The following NFIA variants were observed in gnomAD, a reference collection of about 807,000 sequenced individuals.
NFIA encodes the protein nuclear factor 1 A-type.
A neutral mutation model predicts 62.8 loss-of-function variants in NFIA; 8 were observed. That is an observed-to-expected ratio of 0.13 (90% CI 0.07 to 0.23). The LOEUF is 0.23. Among genes scored for constraint, NFIA ranks in the 10% least tolerant of loss-of-function variants. The pLI, the probability that NFIA is intolerant of heterozygous loss-of-function variation, is 1.00. For missense variants in NFIA, 410 were observed against 642.1 expected (o/e 0.64, Z 3.91); for synonymous variants, 235 against 238.1 (o/e 0.99, Z 0.12).
At chr1:61,343,168 T>C (rs1662019248) in intron 4 of NFIA, among the ~76,000 whole-genome samples, 2 of 152,220 alleles carry the variant, frequency 1.3e-5, no homozygotes, top group South Asian at 4.1e-4. Context: ...CCTTTTCCTC[T>C]ACAGGGTATA....
chr1:61,442,549 A>G (rs1055729252), intron 10 of NFIA, among the ~76,000 whole-genome samples: 10 of 151,416 alleles, frequency 6.6e-5, no homozygotes, highest in Admixed American at 6.6e-4. Flanking sequence ...CCCATTCACC[A>G]TTTTGTCAGA....
intron 2 of NFIA, among the ~76,000 whole-genome samples, chr1:61,237,141 G>C (rs1382186726): frequency 1.3e-5 from 2 of 152,130 alleles, no homozygotes; most frequent in Non-Finnish European, 2.9e-5. Flanking sequence ...ATGAATAAAT[G>C]ATCAAAGCAT....
intron 2 of NFIA, among the ~76,000 whole-genome samples, chr1:61,175,150 A>G (rs1216337622): frequency 7.3e-6 from 1 of 137,910 alleles, no homozygotes; most frequent in East Asian, 2.2e-4. Flanking sequence ...TATTATTATT[A>G]TTATTTTTTG....
chr1:61,141,626 C>T (rs1238984570), intron 2 of NFIA, among the ~76,000 whole-genome samples: 1 of 152,156 alleles, frequency 6.6e-6, no homozygotes, highest in Non-Finnish European at 1.5e-5. Context: ...ATTTTATATC[C>T]TTTCTGAAGG....
chr1:61,177,124 G>A (rs1281767125), intron 2 of NFIA, among the ~76,000 whole-genome samples: 1 of 151,864 alleles, frequency 6.6e-6, no homozygotes, highest in African/African-American at 2.4e-5. Context: ...AAAAAAAAGA[G>A]AGAGATACTT....
At chr1:61,248,493 T>C (rs1450481902) in intron 2 of NFIA, among the ~76,000 whole-genome samples, 1 of 152,192 alleles carries the variant, frequency 6.6e-6, no homozygotes, top group African/African-American at 2.4e-5. Context: ...TGATGTGTGA[T>C]TTCTCAAATG....
intron 4 of NFIA, among the ~76,000 whole-genome samples, chr1:61,349,040 G>A (rs1477394241): frequency 1.3e-5 from 2 of 152,222 alleles, no homozygotes; most frequent in African/African-American, 4.8e-5. Flanking sequence ...CTTGCTGGGA[G>A]TGAGGATGAG....
intron 2 of NFIA, among the ~76,000 whole-genome samples, chr1:61,208,442 G>C (rs1424499000): frequency 6.6e-6 from 1 of 152,086 alleles, no homozygotes; most frequent in Non-Finnish European, 1.5e-5. Context: ...GTTTGTTTTG[G>C]CTTTTAGTCT....
chr1:61,161,586 A>AACACACACACAC (rs56383204), intron 2 of NFIA, among the ~76,000 whole-genome samples: 16 of 149,360 alleles, frequency 1.1e-4, no homozygotes, highest in Admixed American at 2.0e-4. Context: ...CGCCATGTGC[A>AACACACACACAC]ACACACACAC....
At chr1:61,193,677 T>C (rs1049991196) in intron 2 of NFIA, among the ~76,000 whole-genome samples, 1 of 152,224 alleles carries the variant, frequency 6.6e-6, no homozygotes, top group African/African-American at 2.4e-5. Flanking sequence ...CCAAAGATGA[T>C]ACATAAATAT....
At chr1:61,269,578 T>C (rs1320574139) in intron 2 of NFIA, among the ~76,000 whole-genome samples, 1 of 152,160 alleles carries the variant, frequency 6.6e-6, no homozygotes, top group African/African-American at 2.4e-5. Context: ...TGCAGGAGGT[T>C]TGGAGTTTTG....
intron 3 of NFIA, among the ~76,000 whole-genome samples, chr1:61,330,675 C>T (rs1394847073): frequency 6.6e-6 from 1 of 152,088 alleles, no homozygotes; most frequent in African/African-American, 2.4e-5. Flanking sequence ...GATTAAATTG[C>T]CTTGTGTTTA....
intron 9 of NFIA, among the ~76,000 whole-genome samples, chr1:61,419,489 CCTT>C (rs1666505876): frequency 6.6e-6 from 1 of 152,130 alleles, no homozygotes; most frequent in Admixed American, 6.5e-5. Context: ...TTGTAAAGTG[CCTT>C]CTTCTTGCAC....
At position 61,082,719 on chromosome 1, in the gene NFIA, C is replaced by T; in HGVS notation, c.-73C>T. The T allele has an allele frequency of 1.3e-6, 2 of 1,549,154 alleles. No homozygotes were observed. Among genetic ancestry groups the T allele is most frequent in the South Asian group, 1.2e-5 (1 of 83,940 alleles). ...CTCTTCCTCTCTCCCTCTTTCTCCT[C>T]TCTCACCCACACTCACGCACACCTC... On this transcript the variant is annotated 5_prime_UTR_variant, in exon 1 of 11. Coordinates refer to ENST00000403491, the MANE Select transcript of NFIA (RefSeq NM_001134673.4).
intron 2 of NFIA, among the ~76,000 whole-genome samples, chr1:61,261,899 G>A (rs902629806): frequency 5.3e-5 from 8 of 152,178 alleles, no homozygotes; most frequent in East Asian, 1.9e-4. Flanking sequence ...GCCAGGTTTT[G>A]TATATGCTTT....
chr1:61,105,998 C>T (rs1013495846), intron 2 of NFIA, among the ~76,000 whole-genome samples: 3 of 151,342 alleles, frequency 2.0e-5, no homozygotes, highest in Non-Finnish European at 3.0e-5. Context: ...TGTAGAATCT[C>T]GGTTCTGTAA....
intron 4 of NFIA, among the ~76,000 whole-genome samples, chr1:61,336,269 C>T (rs1277126705): frequency 1.3e-5 from 2 of 152,092 alleles, no homozygotes; most frequent in Non-Finnish European, 2.9e-5. Context: ...AAGGTTAAAA[C>T]TATTTTCATG....
chr1:61,218,726 C>A (rs1394192638), intron 2 of NFIA, among the ~76,000 whole-genome samples: 1 of 152,084 alleles, frequency 6.6e-6, no homozygotes, highest in African/African-American at 2.4e-5. Context: ...TTTCAGTGGG[C>A]GTATAGTATT....
chr1:61,085,938 C>T (rs1646211646), intron 1 of NFIA, among the ~76,000 whole-genome samples: 1 of 152,046 alleles, frequency 6.6e-6, no homozygotes, highest in African/African-American at 2.4e-5. Flanking sequence ...ATGCAGTTTG[C>T]AGTTTTTTGA....
Sources: allele counts gnomAD v4.1 joint callset (sites outside exome capture counted in the v4.1 genomes callset), GRCh38; gene constraint gnomAD v4.1.1; transcripts MANE v1.5; gene names NCBI Gene and HGNC (gene_info 2026-07-23, HGNC 2026-07-21).